ABLIM3: variants seen among roughly 807,000 people sequenced by gnomAD.
The protein encoded by ABLIM3 is actin-binding LIM protein 3.
A neutral mutation model predicts 109.5 loss-of-function variants in ABLIM3; 61 were observed. The observed-to-expected ratio is 0.56, with a 90% CI of 0.45 to 0.69. ABLIM3 has a LOEUF of 0.69. ABLIM3 is among the 30% of genes least tolerant of loss of function. The probability of loss-of-function intolerance (pLI) is 0.00; values close to 1 mark genes in which losing one functional copy is unlikely to be tolerated. For synonymous variants in ABLIM3, 300 were observed against 324.8 expected (o/e 0.92, Z 0.82); for missense variants, 796 against 889.5 (o/e 0.89, Z 1.34).
chr5:149,171,119 T>C (rs1327645574), intron 2 of ABLIM3, among the ~76,000 whole-genome samples: 2 of 152,224 alleles, frequency 1.3e-5, no homozygotes, highest in Admixed American at 6.5e-5. Flanking sequence ...TTTAGTCATT[T>C]AGTCAGTCAT....
intron 14 of ABLIM3, among the ~76,000 whole-genome samples, chr5:149,242,007 G>A (rs1752900261): frequency 1.3e-5 from 2 of 152,096 alleles, no homozygotes. Context: ...TTCCCCTCAA[G>A]AGCTCATGCT....
At position 149,206,945 on chromosome 5, in the gene ABLIM3, C is replaced by T. The variant is rs541787536; in HGVS notation, c.449-63C>T. On this transcript the variant is annotated intron_variant, in intron 5 of 23. Transcript: ENST00000309868. The stretch of plus-strand genomic sequence containing the variant: ...AGGGAGGGGTTTCCTTGACGTGGGC[C>T]TGAGATAGCGGGGGTTAAAGGGCCC... The T allele has an allele frequency of 6.1e-5, 96 of 1,571,084 alleles. No homozygotes were observed. The South Asian group carries it at 1.0e-3, about 16-fold the overall frequency.
At chr5:149,225,035 C>T (rs1285465731) in intron 8 of ABLIM3, among the ~76,000 whole-genome samples, 1 of 152,176 alleles carries the variant, frequency 6.6e-6, no homozygotes, top group Non-Finnish European at 1.5e-5. Flanking sequence ...CAGCAGTGTT[C>T]ACTCCTCTCT....
intron 10 of ABLIM3, among the ~76,000 whole-genome samples, chr5:149,236,847 C>G (rs1752246965): frequency 6.6e-6 from 1 of 152,172 alleles, no homozygotes; most frequent in Non-Finnish European, 1.5e-5. Context: ...AATGTTGGTG[C>G]CTACTACTAG....
At chr5:149,196,345 T>C (rs922195463) in intron 3 of ABLIM3, among the ~76,000 whole-genome samples, 2 of 152,242 alleles carry the variant, frequency 1.3e-5, no homozygotes, top group African/African-American at 4.8e-5. Context: ...GCTGGGGTGT[T>C]TTCACTCAGT....
intron 2 of ABLIM3, among the ~76,000 whole-genome samples, chr5:149,160,968 T>C (rs1205176315): frequency 1.3e-5 from 2 of 152,184 alleles, no homozygotes; most frequent in Admixed American, 1.3e-4. Context: ...CTTTCCCATC[T>C]CTCGGCCAGC....
chr5:149,196,575 G>A (rs1046093926), intron 3 of ABLIM3, among the ~76,000 whole-genome samples: 1 of 152,234 alleles, frequency 6.6e-6, no homozygotes, highest in Non-Finnish European at 1.5e-5. Flanking sequence ...GGCAATCTAG[G>A]TGGAAAGTCA....
At chr5:149,247,155 A>G (rs73275734) in intron 17 of ABLIM3, among the ~76,000 whole-genome samples, 1 of 152,176 alleles carries the variant, frequency 6.6e-6, no homozygotes, top group Admixed American at 6.5e-5. Flanking sequence ...CACAATGTGG[A>G]TGAACCTTGA....
rs11956170 is a variant in ABLIM3 at position 149,253,853 on chromosome 5, C to T, written c.1938+1016C>T. 3.5e-3 allele frequency among the ~76,000 whole-genome samples: 535 copies of T among 152,180 alleles called. 2 individuals are homozygous for T. The highest frequency in any genetic ancestry group is 0.012 in the African/African-American group (518 of 41,524). ...AGAATGCCTGTATTAGTCTCTAATGCGGCTAATGAAGATATACCTGAGACT... is the reference window on the plus strand; with the variant it reads ...AGAATGCCTGTATTAGTCTCTAATGTGGCTAATGAAGATATACCTGAGACT... On this transcript the variant is annotated intron_variant, in intron 23 of 23. Coordinates refer to ENST00000309868, the MANE Select transcript of ABLIM3 (RefSeq NM_014945.5).
At chr5:149,239,656 C>G (rs548250153) in intron 12 of ABLIM3, 103 bp from the exon 13 acceptor site, 3 of 1,474,686 alleles carry the variant, frequency 2.0e-6, no homozygotes, top group Non-Finnish European at 2.7e-6. Context: ...ACCTCAAACC[C>G]GAGAATCCCA....
chr5:149,225,352 T>C (rs1473511964), intron 8 of ABLIM3, among the ~76,000 whole-genome samples: 2 of 152,138 alleles, frequency 1.3e-5, no homozygotes, highest in Non-Finnish European at 1.5e-5. Flanking sequence ...ACCAATCTGT[T>C]TTCTGTCTCT....
intron 2 of ABLIM3, among the ~76,000 whole-genome samples, chr5:149,181,498 G>A (rs1267138952): frequency 6.6e-6 from 1 of 152,186 alleles, no homozygotes; most frequent in East Asian, 1.9e-4. Context: ...GATGAATAAT[G>A]TGCATAAACT....
intron 2 of ABLIM3, among the ~76,000 whole-genome samples, chr5:149,146,034 A>G (rs1411012302): frequency 6.6e-6 from 1 of 152,194 alleles, no homozygotes; most frequent in Non-Finnish European, 1.5e-5. Flanking sequence ...CAAATGCTTC[A>G]GCCTCCTAAA....
chr5:149,229,612 T>C (rs898081157), intron 8 of ABLIM3, among the ~76,000 whole-genome samples: 1 of 152,242 alleles, frequency 6.6e-6, no homozygotes, highest in African/African-American at 2.4e-5. Context: ...ATATAAAGTA[T>C]ATCCTAGAGA....
At chr5:149,193,128 A>C (rs972271074) in intron 3 of ABLIM3, among the ~76,000 whole-genome samples, 1 of 152,172 alleles carries the variant, frequency 6.6e-6, no homozygotes, top group African/African-American at 2.4e-5. Context: ...AGGATGGGAT[A>C]ATTGGAAAAC....
chr5:149,191,884 G>A (rs1256022196), intron 3 of ABLIM3, among the ~76,000 whole-genome samples: 7 of 152,136 alleles, frequency 4.6e-5, no homozygotes, highest in Non-Finnish European at 1.0e-4. Context: ...TTGAGACGGA[G>A]TCTTGCTCTG....
chr5:149,142,973 C>G (rs182640645), intron 2 of ABLIM3, among the ~76,000 whole-genome samples: 94 of 152,236 alleles, frequency 6.2e-4, no homozygotes, highest in Admixed American at 1.8e-3. Context: ...CAGAGAACCC[C>G]TATGAACAGT....
rs761201116 is a variant in ABLIM3 at position 149,217,015 on chromosome 5, G to A, written c.726G>A (p.Met242Ile). Residue 242 changes from methionine to isoleucine, a missense_variant, in exon 8 of 24, where the codon ATG (methionine) becomes ATA (isoleucine). Transcript: ENST00000309868. The stretch of plus-strand genomic sequence containing the variant: ...CCAGGTGTGTACGCTGCCACCAGAT[G>A]TTCACCGAAGGAGAGGAAATGTACC... ...TCARCVRCHQMFTEGEEMYLT... is the reference protein window; with the variant it reads ...TCARCVRCHQIFTEGEEMYLT... The A allele has an allele frequency of 1.9e-6, 3 of 1,614,186 alleles. No individual in the cohort carries two copies. The highest frequency in any genetic ancestry group is 3.3e-5 in the Admixed American group (2 of 60,030).
chr5:149,180,151 A>G (rs17109719), intron 2 of ABLIM3, among the ~76,000 whole-genome samples: 9,634 of 152,320 alleles, frequency 0.063, 629 homozygotes, highest in African/African-American at 0.17. Context: ...AGTTTCTAAC[A>G]TAAGAGGTAG....
Sources: gnomAD v4.1 joint callset for allele counts (sites outside exome capture counted in the v4.1 genomes callset) on GRCh38, gnomAD v4.1.1 for gene constraint, MANE v1.5 for transcripts, NCBI Gene and HGNC (gene_info 2026-07-23, HGNC 2026-07-21) for gene names.